The following RBMS3 variants were observed in gnomAD, a reference collection of about 807,000 sequenced individuals.
The protein encoded by RBMS3 is RNA-binding motif, single-stranded-interacting protein 3.
A neutral mutation model predicts 66.8 loss-of-function variants in RBMS3; 27 were observed. The observed-to-expected ratio is 0.40, with a 90% confidence interval of 0.30 to 0.56. The LOEUF (loss-of-function observed/expected upper bound fraction) is 0.56. Among genes scored for constraint, RBMS3 ranks in the 20% least tolerant of loss-of-function variants. The pLI, the probability that RBMS3 is intolerant of heterozygous loss-of-function variation, is 0.40. For synonymous variants in RBMS3, 188 were observed against 183.0 expected (o/e 1.03, Z -0.22); for missense variants, 513 against 549.5 (o/e 0.93, Z 0.66).
chr3:29,950,106 TAA>T (rs1695579816), intron 12 of RBMS3, among the ~76,000 whole-genome samples: 1 of 151,800 alleles, frequency 6.6e-6, no homozygotes, highest in Non-Finnish European at 1.5e-5. Flanking sequence ...CATCCGATTA[TAA>T]GGGAAAGCTT....
chr3:29,384,206 A>G (rs1305185940), intron 1 of RBMS3, among the ~76,000 whole-genome samples: 2 of 151,884 alleles, frequency 1.3e-5, no homozygotes, highest in African/African-American at 4.8e-5. Flanking sequence ...GTCTCAACTA[A>G]TAGGGAGGCT....
chr3:29,496,207 A>G (rs1311967602), intron 3 of RBMS3, among the ~76,000 whole-genome samples: 1 of 151,232 alleles, frequency 6.6e-6, no homozygotes, highest in Non-Finnish European at 1.5e-5. Context: ...AAAAAAAAAA[A>G]AAAAAAGAAA....
chr3:29,474,421 A>G (rs577867285), intron 2 of RBMS3, among the ~76,000 whole-genome samples: 51 of 152,364 alleles, frequency 3.3e-4, no homozygotes, highest in Non-Finnish European at 6.0e-4. Context: ...AGGGATTACT[A>G]CAAGAAAAAA....
At position 29,953,567 on chromosome 3, in the gene RBMS3, T is replaced by A. The variant is rs575626134; in HGVS notation, c.1098+9313T>A. ...AATATTAAATGTCCTTGGTGAAATA[T>A]AAATGCAAACATGAGAGAGGGTAAA... On this transcript the variant is annotated intron_variant, in intron 12 of 14. Coordinates refer to ENST00000383767, the MANE Select transcript of RBMS3 (RefSeq NM_001003793.3). Among the ~76,000 whole-genome samples the A allele has an allele frequency of 1.3e-3, 192 of 152,078 alleles. 1 individual carries two copies. The highest frequency in any genetic ancestry group is 6.8e-3 in the Middle Eastern group (2 of 294).
chr3:29,925,568 C>A (rs1291723938), intron 10 of RBMS3, among the ~76,000 whole-genome samples: 2 of 152,110 alleles, frequency 1.3e-5, no homozygotes, highest in African/African-American at 4.8e-5. Context: ...TTATTCCAAG[C>A]TATCTGGCTC....
At chr3:29,744,603 G>A (rs550517678) in intron 5 of RBMS3, among the ~76,000 whole-genome samples, 38 of 152,180 alleles carry the variant, frequency 2.5e-4, no homozygotes, top group South Asian at 1.2e-3. Context: ...CCAACATAGC[G>A]AAACCTCATC....
chr3:29,379,607 G>C (rs759233727), intron 1 of RBMS3, among the ~76,000 whole-genome samples: 15 of 152,108 alleles, frequency 9.9e-5, no homozygotes, highest in Non-Finnish European at 1.8e-4. Context: ...ACTATCATGA[G>C]AGCAGCACGG....
intron 3 of RBMS3, among the ~76,000 whole-genome samples, chr3:29,500,800 G>A (rs2043938135): frequency 6.6e-6 from 1 of 151,926 alleles, no homozygotes; most frequent in African/African-American, 2.4e-5. Flanking sequence ...GTTAAGTGAT[G>A]CATGACTGTA....
chr3:29,470,846 C>G (rs2042700353), intron 2 of RBMS3, among the ~76,000 whole-genome samples: 1 of 144,742 alleles, frequency 6.9e-6, no homozygotes, highest in Non-Finnish European at 1.5e-5. Context: ...AACAAACACA[C>G]AAATAAATTT....
At chr3:29,650,954 C>G (rs2050123318) in intron 4 of RBMS3, among the ~76,000 whole-genome samples, 1 of 152,268 alleles carries the variant, frequency 6.6e-6, no homozygotes, top group African/African-American at 2.4e-5. Context: ...ATTTATTTTA[C>G]AGAGCCTGAA....
intron 12 of RBMS3, among the ~76,000 whole-genome samples, chr3:29,967,563 G>A (rs971704192): frequency 3.9e-5 from 6 of 152,154 alleles, no homozygotes. Flanking sequence ...CCAAAGTGCT[G>A]GGATTACAGG....
chr3:29,539,595 C>G (rs1023632330), intron 3 of RBMS3, among the ~76,000 whole-genome samples: 1 of 152,158 alleles, frequency 6.6e-6, no homozygotes, highest in African/African-American at 2.4e-5. Context: ...ATCTGGTCAT[C>G]CAGGTATCAA....
intron 7 of RBMS3, among the ~76,000 whole-genome samples, chr3:29,881,836 G>A (rs2059744109): frequency 6.6e-6 from 1 of 152,104 alleles, no homozygotes; most frequent in Admixed American, 6.6e-5. Context: ...TAATTCAGGA[G>A]GGGCTAGATA....
chr3:29,823,540 C>T (rs1256600427), intron 6 of RBMS3, among the ~76,000 whole-genome samples: 2 of 152,136 alleles, frequency 1.3e-5, no homozygotes, highest in Non-Finnish European at 2.9e-5. Context: ...TAGCATAGTG[C>T]AATAGAACTT....
chr3:29,677,042 C>T (rs1010026166), intron 4 of RBMS3, among the ~76,000 whole-genome samples: 3 of 152,036 alleles, frequency 2.0e-5, no homozygotes, highest in Non-Finnish European at 2.9e-5. Flanking sequence ...CAGAAGCAGG[C>T]GTCTTACATG....
chr3:29,926,595 G>A (rs1041490944), intron 10 of RBMS3, among the ~76,000 whole-genome samples: 1 of 152,162 alleles, frequency 6.6e-6, no homozygotes, highest in Non-Finnish European at 1.5e-5. Flanking sequence ...TTGCAAGCAG[G>A]TCTTTCAGTC....
At chr3:29,968,940 G>C (rs892376049) in intron 12 of RBMS3, among the ~76,000 whole-genome samples, 15 of 152,126 alleles carry the variant, frequency 9.9e-5, no homozygotes. Flanking sequence ...TTAATTGTAA[G>C]ACAGACGCAG....
intron 2 of RBMS3, among the ~76,000 whole-genome samples, chr3:29,447,589 T>A (rs760663410): frequency 2.0e-4 from 31 of 152,322 alleles, no homozygotes; most frequent in Non-Finnish European, 4.1e-4. Flanking sequence ...ATAGTAAAGA[T>A]AGTTAAATGA....
At chr3:29,868,777 C>A (rs2059419749) in intron 6 of RBMS3, 81 bp from the exon 7 acceptor site, 1 of 1,193,794 alleles carries the variant, frequency 8.4e-7, no homozygotes, top group Non-Finnish European at 1.2e-6. Flanking sequence ...ATACTCATTA[C>A]AAAGCACTAC....
Sources: gnomAD v4.1 joint callset for allele counts (sites outside exome capture counted in the v4.1 genomes callset) on GRCh38, gnomAD v4.1.1 for gene constraint, MANE v1.5 for transcripts, NCBI Gene and HGNC (gene_info 2026-07-23, HGNC 2026-07-21) for gene names.